CHD1L: variants seen among roughly 807,000 people sequenced by gnomAD.
CHD1L encodes chromodomain helicase DNA binding protein 1 like, also known as ATP-dependent chromatin remodeler CHD1L.
CHD1L carries 118 observed loss-of-function variants against 115.9 expected under a neutral mutation model. That is an observed-to-expected ratio of 1.02 (90% CI 0.88 to 1.19). The LOEUF is 1.19. Among genes scored for constraint, CHD1L ranks in the 50% most tolerant of loss-of-function variants. The pLI is 0.00. For synonymous variants in CHD1L, 411 were observed against 387.1 expected (o/e 1.06, Z -0.72); for missense variants, 1,179 against 1,065.3 (o/e 1.11, Z -1.49).
At chr1:147,216,013 C>T in the CHD1L span, 1 of 1,210,552 alleles carries the variant, frequency 8.3e-7, no homozygotes, top group Non-Finnish European at 1.2e-6. Context: ...CAATAGACAT[C>T]TGAAAAAGTT....
chr1:147,186,989 C>T, the CHD1L span: 1 of 1,614,194 alleles, frequency 6.2e-7, no homozygotes, highest in South Asian at 1.1e-5. Flanking sequence ...CTACTCCTTT[C>T]AACTACTCTT....
chr1:147,188,344 C>T, the CHD1L span, among the ~76,000 whole-genome samples: 2 of 151,514 alleles, frequency 1.3e-5, no homozygotes, highest in African/African-American at 2.4e-5. Flanking sequence ...GGCAACATGG[C>T]GAAACCCCAT....
upstream of CHD1L, chr1:147,242,491 A>C (rs1665011980): frequency 9.5e-6 from 4 of 421,888 alleles, no homozygotes; most frequent in Non-Finnish European, 7.9e-6. Context: ...ACTGGTGAGA[A>C]CTGGGCAGCC....
intron 3 of CHD1L, among the ~76,000 whole-genome samples, 181 bp from the exon 4 acceptor site, chr1:147,255,631 AG>A (rs1313906933): frequency 1.2e-4 from 18 of 152,184 alleles, no homozygotes; most frequent in African/African-American, 4.3e-4. Context: ...CTGTTCACAT[AG>A]GAACTCGCTC....
chr1:147,179,376 G>A, the CHD1L span: 1 of 1,600,212 alleles, frequency 6.2e-7, no homozygotes, highest in South Asian at 1.1e-5. Flanking sequence ...AACTTGGCGA[G>A]AAGCTCAGCA....
intron 1 of CHD1L, 42 bp downstream of exon 1, chr1:147,242,872 T>G (rs1212674977): frequency 8.0e-7 from 1 of 1,256,804 alleles, no homozygotes; most frequent in African/African-American, 1.5e-5. Context: ...CGGGCCAACC[T>G]ATTGGGACTG....
chr1:147,290,198 T>C (rs1197739031), intron 19 of CHD1L, among the ~76,000 whole-genome samples: 1 of 152,144 alleles, frequency 6.6e-6, no homozygotes, highest in African/African-American at 2.4e-5. Context: ...TCCTCCTGCC[T>C]CAGCCTCCCA....
rs114842155 is a variant in CHD1L, at chr1:147,247,706, C to G, written c.127+4876C>G. Among the ~76,000 whole-genome samples the G allele has an allele frequency of 7.3e-3, 1,117 of 152,234 alleles. 13 individuals are homozygous for G. Among genetic ancestry groups the G allele is most frequent in the African/African-American group, 0.025 (1,050 of 41,530 alleles). ...TTGTATGGTCCATGGCACTTGAAAA[C>G]AATGTGTATTCTCCTGTCTTTGGGT... is the stretch of plus-strand genomic sequence containing the variant. On this transcript the variant is annotated intron_variant, in intron 1 of 22. Coordinates refer to ENST00000369258, the MANE Select transcript of CHD1L (RefSeq NM_004284.6).
intron 10 of CHD1L, 115 bp from the exon 11 acceptor site, chr1:147,270,817 A>G: frequency 1.2e-6 from 1 of 824,242 alleles, no homozygotes; most frequent in South Asian, 1.5e-5. Flanking sequence ...CGACACTTAT[A>G]TTTCTACTTT....
At chr1:147,268,972 T>A (rs143940711) in intron 10 of CHD1L, 94 bp downstream of exon 10, 1 of 752,200 alleles carries the variant, frequency 1.3e-6, no homozygotes, top group Admixed American at 4.3e-5. Flanking sequence ...CAATTCCAGT[T>A]TTCTTTTTTT....
chr1:147,181,697 C>A, the CHD1L span, among the ~76,000 whole-genome samples: 1 of 152,180 alleles, frequency 6.6e-6, no homozygotes, highest in Non-Finnish European at 1.5e-5. Flanking sequence ...TCATGTTTAG[C>A]TGTTTTGATG....
chr1:147,178,134 G>A, the CHD1L span: 3 of 1,602,140 alleles, frequency 1.9e-6, no homozygotes, highest in Admixed American at 3.4e-5. Context: ...GCCGCCCAGC[G>A]CTGTTCCCGG....
intron 22 of CHD1L, 23 bp downstream of exon 22, chr1:147,294,540 G>A (rs1553974861): frequency 6.4e-7 from 1 of 1,570,724 alleles, no homozygotes; most frequent in Non-Finnish European, 8.7e-7. Context: ...GATCTTCATT[G>A]TGTGTTCTCC....
intron 1 of CHD1L, among the ~76,000 whole-genome samples, chr1:147,250,995 A>G (rs1230550297): frequency 2.0e-5 from 3 of 152,180 alleles, no homozygotes; most frequent in African/African-American, 7.2e-5. Flanking sequence ...TCCCTGCACA[A>G]GCTCTCTTGC....
intron 15 of CHD1L, 27 bp downstream of exon 15, chr1:147,280,218 A>G (rs1680297026): frequency 6.5e-7 from 1 of 1,535,806 alleles, no homozygotes; most frequent in Non-Finnish European, 8.7e-7. Context: ...AGCAGAGCAA[A>G]TGGCACAACC....
intron 8 of CHD1L, 88 bp downstream of exon 8, chr1:147,266,175 G>T: frequency 7.9e-7 from 1 of 1,261,678 alleles, no homozygotes. Context: ...TCATTTGTAT[G>T]ATCCCAAGAA....
At chr1:147,258,167 A>G (rs1377968972) in intron 5 of CHD1L, among the ~76,000 whole-genome samples, 6 of 152,200 alleles carry the variant, frequency 3.9e-5, no homozygotes, top group African/African-American at 1.4e-4. Flanking sequence ...AAAATTTGAA[A>G]TGTTTTGGAC....
chr1:147,212,649 C>A, the CHD1L span: 2 of 974,588 alleles, frequency 2.1e-6, 1 homozygote, highest in South Asian at 3.3e-5. Flanking sequence ...TCCAAGTGTT[C>A]TCTTTACTCA....
At position 147,285,619 on chromosome 1, in the gene CHD1L, T is replaced by C. The variant is rs587689016; in HGVS notation, c.2018+132T>C. On this transcript the variant is annotated intron_variant, in intron 17 of 22. Transcript: ENST00000369258. ...TTGGTTCCTATTGGTAACAGAATAC[T>C]TTCTGAAAACATTTCCTCTAGGTAA... 1.2e-5 allele frequency: 13 copies of C among 1,043,986 alleles called. No individual in the cohort carries two copies. In the South Asian group the frequency reaches 2.1e-4, roughly 17 times the overall value. The allele number at this position is 1,043,986 out of a possible 1,614,324, so 64.7% of individuals were successfully genotyped here.
Sources: allele counts gnomAD v4.1 joint callset (sites outside exome capture counted in the v4.1 genomes callset), GRCh38; gene constraint gnomAD v4.1.1; transcripts MANE v1.5; gene names NCBI Gene and HGNC (gene_info 2026-07-23, HGNC 2026-07-21).